Variants in ZMYM1 observed in about 807,000 individuals in gnomAD.
ZMYM1 encodes zinc finger MYM-type protein 1.
Under a neutral mutation model 60.0 loss-of-function variants are expected in ZMYM1, and 39 were observed. That is an observed-to-expected ratio of 0.65 (90% CI 0.50 to 0.85). The LOEUF (loss-of-function observed/expected upper bound fraction) is 0.85, where lower values mean the gene tolerates loss of function less well. Among genes scored for constraint, ZMYM1 ranks in the 40% least tolerant of loss-of-function variants. The pLI, the probability that ZMYM1 is intolerant of heterozygous loss-of-function variation, is 0.00. For synonymous variants in ZMYM1, 413 were observed against 454.0 expected (o/e 0.91, Z 1.15); for missense variants, 1,171 against 1,309.5 (o/e 0.89, Z 1.63).
At chr1:35,104,973 C>T (rs907218839) in intron 6 of ZMYM1, among the ~76,000 whole-genome samples, 2 of 152,032 alleles carry the variant, frequency 1.3e-5, no homozygotes, top group African/African-American at 2.4e-5. Flanking sequence ...AATCTCAGAT[C>T]GATTATCTCA....
At chr1:35,063,852 G>C (rs12072864) in intron 1 of ZMYM1, among the ~76,000 whole-genome samples, 30,520 of 152,066 alleles carry the variant, frequency 0.2, 7,058 homozygotes, top group African/African-American at 0.55. Flanking sequence ...GGATCTGTCC[G>C]TCTTTACTTC....
In ZMYM1 at chr1:35,104,902, T is replaced by C. The variant is rs78741716; in HGVS notation, c.807+133T>C. The stretch of plus-strand genomic sequence containing the variant: ...GTTGATGAAGATGAAATAGAAGGCT[T>C]TTAACGGTTTCTTCTTGCATAAGAA... On this transcript the variant is annotated intron_variant, in intron 6 of 9. Coordinates refer to ENST00000359858, the MANE Select transcript of ZMYM1 (RefSeq NM_024772.5). The C allele has an allele frequency of 4.4e-3, 2,827 of 648,838 alleles. 61 individuals carry two copies. In the African/African-American group the frequency reaches 0.045, roughly 10 times the overall value. 40.2% of individuals were successfully genotyped at this position (648,838 alleles called of 1,614,324 possible).
At chr1:35,088,454 ATGTG>A (rs764350525) in intron 1 of ZMYM1, among the ~76,000 whole-genome samples, 2,892 of 106,956 alleles carry the variant, frequency 0.027, 90 homozygotes, top group Admixed American at 0.089. Context: ...ATATATATAT[ATGTG>A]TGTGTGTGTG....
At position 35,114,138 on chromosome 1, in the gene ZMYM1, A is replaced by C; in HGVS notation, c.2308A>C (p.Thr770Pro). The C allele has an allele frequency of 6.2e-7, 1 of 1,609,618 alleles. No homozygotes were observed. The highest frequency in any genetic ancestry group is 8.5e-7 in the Non-Finnish European group (1 of 1,178,920). Residue 770 changes from threonine to proline, a missense_variant, in exon 10 of 10, where the codon ACT becomes CCT. Transcript: ENST00000359858. ...EVKELRSALK[T>P]LSSLFNTICM... is the part of the protein sequence containing the mutation. ...AAAAGAACTCCGAAGTGCTCTAAAA[A>C]CTCTCAGTTCTTTGTTCAACACTAT... is the stretch of plus-strand genomic sequence containing the variant.
rs558393969 is a variant in ZMYM1, at chr1:35,069,349, A to G, written c.-301+9424A>G. ...TGCATTTCCCTGATATGTGATGTTG[A>G]GTATTTTTTCGTGTACCTGTTGGCC... On this transcript the variant is annotated intron_variant, in intron 1 of 10. Coordinates refer to the ZMYM1 transcript ENST00000417119. 2.6e-5 allele frequency among the ~76,000 whole-genome samples: 4 copies of G among 152,178 alleles called. No homozygotes were observed. The South Asian group carries it at 8.3e-4, about 32-fold the overall frequency.
chr1:35,116,835 A>ATTTTTTTTTTTTTTT (rs10671957), downstream of ZMYM1, among the ~76,000 whole-genome samples: 4 of 88,936 alleles, frequency 4.5e-5, 1 homozygote, highest in African/African-American at 1.8e-4. Context: ...TAGGCCTGGA[A>ATTTTTTTTTTTTTTT]TTTTTTTTTT....
In ZMYM1 at chr1:35,113,407, G is replaced by A. The variant is rs770466765; in HGVS notation, c.1577G>A (p.Trp526Ter). The A allele has an allele frequency of 4.3e-6, 7 of 1,613,742 alleles. No individual in the cohort carries two copies. The highest frequency in any genetic ancestry group is 5.9e-6 in the Non-Finnish European group (7 of 1,179,922). Residue 526 changes from tryptophan (W) to a stop codon, truncating the protein, a stop_gained, in exon 10 of 10, where the codon TGG becomes TAG. Coordinates refer to ENST00000359858, the MANE Select transcript of ZMYM1 (RefSeq NM_024772.5). LOFTEE classifies it high-confidence loss of function. ...SEMHLKSLEF[W>*]REYQFCDGAV... ...ATGCATTTGAAGTCATTGGAATTTT[G>A]GAGAGAATACCAATTTTGTGATGGA...
At chr1:35,069,520 C>T (rs1642032528) in intron 1 of ZMYM1, among the ~76,000 whole-genome samples, 1 of 152,068 alleles carries the variant, frequency 6.6e-6, no homozygotes, top group Non-Finnish European at 1.5e-5. Flanking sequence ...CAAATATTTT[C>T]TCCCATTCTA....
intron 1 of ZMYM1, among the ~76,000 whole-genome samples, chr1:35,060,361 T>C (rs1237917530): frequency 6.6e-6 from 1 of 151,902 alleles, no homozygotes; most frequent in East Asian, 1.9e-4. Flanking sequence ...GGTTTCTCCA[T>C]GTTGGTCAGG....
At position 35,097,013 on chromosome 1, in the gene ZMYM1, T is replaced by TG. The variant is rs1384043274; in HGVS notation, c.170-300dup. On this transcript the variant is annotated intron_variant, in intron 3 of 9. Coordinates refer to ENST00000359858, the MANE Select transcript of ZMYM1 (RefSeq NM_024772.5). ...GCTAATTTTGTATTTTTAATTGAGA[T>TG]GGGGTTTCACCATGTTGGCCAAGCT... Among the ~76,000 whole-genome samples the TG allele has an allele frequency of 2.0e-5, 3 of 152,012 alleles. No homozygotes were observed. The East Asian group carries it at 5.8e-4, about 29-fold the overall frequency.
At chr1:35,095,730 CCA>C in intron 2 of ZMYM1, 87 bp from the exon 3 acceptor site, 2 of 1,135,656 alleles carry the variant, frequency 1.8e-6, no homozygotes, top group Non-Finnish European at 2.5e-6. Context: ...CCAGACTTGA[CCA>C]CAATTTATCA....
intron 1 of ZMYM1, among the ~76,000 whole-genome samples, chr1:35,091,672 A>G (rs183456596): frequency 4.6e-5 from 7 of 151,154 alleles, no homozygotes; most frequent in South Asian, 2.1e-4. Context: ...AGGTGAGAGG[A>G]TCACTTGAGC....
chr1:35,113,539 C>G lies in ZMYM1; in HGVS notation c.1709C>G (p.Pro570Arg). Residue 570 changes from proline (P) to arginine (R), a missense_variant, in exon 10 of 10, where the codon CCC becomes CGC. Physicochemically the swap from Pro to Arg is moderately radical, Grantham distance 103. Coordinates refer to ENST00000359858, the MANE Select transcript of ZMYM1 (RefSeq NM_024772.5). Reference sequence around the variant, plus strand: ...TTATTTCTTGGAAAGCAGTGTTTACCCTTAAGAGGAAACGACCAGTCAGTT... The same window carrying G: ...TTATTTCTTGGAAAGCAGTGTTTACGCTTAAGAGGAAACGACCAGTCAGTT... ...NILFLGKQCL[P>R]LRGNDQSVSS... 6.2e-7 allele frequency: 1 copy of G among 1,612,796 alleles called. No individual in the cohort carries two copies. Among genetic ancestry groups the G allele is most frequent in the Non-Finnish European group, 8.5e-7 (1 of 1,179,688 alleles).
chr1:35,087,476 G>T (rs1347735380), intron 1 of ZMYM1, among the ~76,000 whole-genome samples: 3 of 151,158 alleles, frequency 2.0e-5, no homozygotes, highest in Non-Finnish European at 4.4e-5. Flanking sequence ...GCCCAGGCTG[G>T]AGTGCAATGG....
chr1:35,088,444 A>G (rs1293501762), intron 1 of ZMYM1, among the ~76,000 whole-genome samples: 12 of 113,832 alleles, frequency 1.1e-4, no homozygotes, highest in African/African-American at 4.4e-4. Context: ...GTATATATAT[A>G]TATATATATA....
At chr1:35,076,624 A>T (rs375056479), upstream of ZMYM1, among the ~76,000 whole-genome samples, 21 of 151,836 alleles carry the variant, frequency 1.4e-4, no homozygotes, top group East Asian at 1.2e-3. Flanking sequence ...CCATCTCAAA[A>T]AAAAAAGAAA....
chr1:35,086,982 C>A (rs960729625), intron 1 of ZMYM1, among the ~76,000 whole-genome samples: 1 of 100,084 alleles, frequency 1.0e-5, no homozygotes, highest in Non-Finnish European at 1.9e-5. Flanking sequence ...CGCACCCAGC[C>A]TTTTTTTTTT....
chr1:35,067,471 G>A (rs1641991123), intron 1 of ZMYM1, among the ~76,000 whole-genome samples: 1 of 151,278 alleles, frequency 6.6e-6, no homozygotes, highest in African/African-American at 2.4e-5. Context: ...TTTTAATTTT[G>A]TAGAGGGGAA....
At chr1:35,074,458 G>C (rs1313093230), upstream of ZMYM1, among the ~76,000 whole-genome samples, 1 of 152,020 alleles carries the variant, frequency 6.6e-6, no homozygotes, top group Non-Finnish European at 1.5e-5. Flanking sequence ...CACCAGGCTG[G>C]AGTGCAGTGG....
Sources: gnomAD v4.1 joint callset for allele counts (sites outside exome capture counted in the v4.1 genomes callset) on GRCh38, gnomAD v4.1.1 for gene constraint, MANE v1.5 for transcripts, NCBI Gene and HGNC (gene_info 2026-07-23, HGNC 2026-07-21) for gene names.